Variants in NDUFA10 observed in about 807,000 individuals in gnomAD.
NDUFA10 encodes NADH:ubiquinone oxidoreductase subunit A10.
Under a neutral mutation model 47.8 loss-of-function variants are expected in NDUFA10, and 40 were observed. The ratio of observed to expected loss-of-function variants is 0.84; its 90% confidence interval spans 0.65 to 1.09. The LOEUF is 1.09. NDUFA10 is among the 50% of genes least tolerant of loss of function. The pLI is 0.00. For missense variants in NDUFA10, 413 were observed against 451.1 expected, an observed-to-expected ratio of 0.92 and a Z score of 0.76; for synonymous variants, 183 against 172.2, an observed-to-expected ratio of 1.06 and a Z score of -0.49.
At chr2:239,915,445 CAG>C (rs571620068) in intron 4 of NDUFA10, among the ~76,000 whole-genome samples, 1,889 of 145,248 alleles carry the variant, frequency 0.013, 82 homozygotes, top group African/African-American at 0.049. Context: ...GACACACACA[CAG>C]AGAGACAGAG....
intron 4 of NDUFA10, among the ~76,000 whole-genome samples, chr2:239,933,750 G>A (rs971650215): frequency 8.5e-5 from 13 of 152,294 alleles, no homozygotes; most frequent in African/African-American, 1.9e-4. Context: ...TGTACGGAAC[G>A]AAGTCAGTGA....
At chr2:239,941,761 G>A (rs1694365031) in intron 4 of NDUFA10, among the ~76,000 whole-genome samples, 1 of 151,060 alleles carries the variant, frequency 6.6e-6, no homozygotes. Flanking sequence ...AAGGAAGAAA[G>A]GAAAAAAAAT....
chr2:240,014,325 G>A (rs997146234), intron 5 of NDUFA10: 48 of 305,554 alleles, frequency 1.6e-4, no homozygotes, highest in Non-Finnish European at 2.6e-4. Context: ...CACGATTTGC[G>A]TTAAATAGAT....
chr2:240,011,044 G>A (rs904723755), intron 6 of NDUFA10, among the ~76,000 whole-genome samples: 6 of 152,082 alleles, frequency 3.9e-5, no homozygotes, highest in African/African-American at 7.2e-5. Flanking sequence ...CCTTACACAC[G>A]AATATACCCA....
At chr2:239,995,262 C>G (rs1483139243) in intron 8 of NDUFA10, among the ~76,000 whole-genome samples, 4 of 151,786 alleles carry the variant, frequency 2.6e-5, no homozygotes, top group Non-Finnish European at 5.9e-5. Context: ...GGCAACAGAG[C>G]AAGACCCTGT....
At chr2:239,982,728 A>C (rs999425487) in intron 9 of NDUFA10, among the ~76,000 whole-genome samples, 5 of 152,256 alleles carry the variant, frequency 3.3e-5, no homozygotes, top group African/African-American at 1.2e-4. Context: ...AAGAGAAACT[A>C]CATTTTCATG....
In NDUFA10 at chr2:239,960,983, G is replaced by A. The variant is rs758629221; in HGVS notation, c.*135C>T. ...TACTACAGGATGGATTGCTTTTTGT[G>A]AGACCCCTTCTTCCACTGTGCAATT... is the stretch of plus-strand genomic sequence containing the variant. On this transcript the variant is annotated 3_prime_UTR_variant, in exon 10 of 10. Transcript: ENST00000252711. The A allele has an allele frequency of 9.3e-5, 144 of 1,542,214 alleles. No homozygotes were observed. Among genetic ancestry groups the A allele is most frequent in the Non-Finnish European group, 1.2e-4 (139 of 1,143,750 alleles).
Position 240,014,727 on chromosome 2 carries a change from A to C in NDUFA10, c.669+12T>G, listed in dbSNP as rs769611233. 6.2e-7 allele frequency: 1 copy of C among 1,614,164 alleles called. No homozygotes were observed. The highest frequency in any genetic ancestry group is 8.5e-7 in the Non-Finnish European group (1 of 1,180,004). On this transcript the variant is annotated intron_variant, in intron 5 of 9. Transcript: ENST00000252711. Reference sequence around the variant, plus strand: ...ATAGAGATGCTTGGCCTTTGATTGAAAACTGCATTACATCTCCTTTCTTCT... The same window carrying C: ...ATAGAGATGCTTGGCCTTTGATTGACAACTGCATTACATCTCCTTTCTTCT...
At chr2:239,907,830 A>T (rs1296001090) in intron 4 of NDUFA10, among the ~76,000 whole-genome samples, 1 of 152,204 alleles carries the variant, frequency 6.6e-6, no homozygotes, top group Non-Finnish European at 1.5e-5. Context: ...ATTGTGGAAG[A>T]CAGTGTGGCA....
chr2:239,910,414 AG>A (rs1693730065), intron 4 of NDUFA10, among the ~76,000 whole-genome samples: 1 of 152,232 alleles, frequency 6.6e-6, no homozygotes, highest in South Asian at 2.1e-4. Flanking sequence ...TGTCCTTTGC[AG>A]GGACATGGGT....
chr2:239,915,252 C>T (rs200726891), intron 4 of NDUFA10, among the ~76,000 whole-genome samples: 7 of 75,392 alleles, frequency 9.3e-5, no homozygotes, highest in African/African-American at 3.7e-4. Flanking sequence ...CATACACACA[C>T]AACACACACA....
intron 9 of NDUFA10, among the ~76,000 whole-genome samples, chr2:239,972,815 C>T (rs897132432): frequency 5.9e-5 from 9 of 152,164 alleles, no homozygotes; most frequent in African/African-American, 1.9e-4. Context: ...AATAGAAAAG[C>T]TCCTAACCTA....
intron 9 of NDUFA10, among the ~76,000 whole-genome samples, chr2:239,962,228 CA>C (rs1694883112): frequency 6.6e-6 from 1 of 152,100 alleles, no homozygotes; most frequent in Admixed American, 6.6e-5. Flanking sequence ...CACACACACA[CA>C]CACACACACA....
intron 4 of NDUFA10, among the ~76,000 whole-genome samples, chr2:239,911,668 A>AGTGTGTGT (rs1209330426): frequency 1.9e-4 from 15 of 79,204 alleles, no homozygotes; most frequent in African/African-American, 5.4e-4. Flanking sequence ...AAAACATGAG[A>AGTGTGTGT]GAGTGTGTGT....
At position 240,018,097 on chromosome 2, in the gene NDUFA10, T is replaced by C. The variant is rs1697439066; in HGVS notation, c.547+456A>G. ...CCCCAATACAGCAACACAAAGCTAC[T>C]GTCCTGAAAAACGGCAGCGTGTCAG... is the stretch of plus-strand genomic sequence containing the variant. On this transcript the variant is annotated intron_variant, in intron 4 of 9. Transcript: ENST00000252711. 2.6e-5 allele frequency among the ~76,000 whole-genome samples: 4 copies of C among 152,200 alleles called. No homozygotes were observed. The South Asian group carries it at 8.3e-4, about 31-fold the overall frequency.
At chr2:239,926,917 G>A (rs919699547) in intron 4 of NDUFA10, among the ~76,000 whole-genome samples, 1 of 152,172 alleles carries the variant, frequency 6.6e-6, no homozygotes, top group Non-Finnish European at 1.5e-5. Flanking sequence ...AGCAAGACAC[G>A]TCTTACATGG....
chr2:239,991,289 G>A (rs1559363569), intron 8 of NDUFA10, among the ~76,000 whole-genome samples: 1 of 152,290 alleles, frequency 6.6e-6, no homozygotes, highest in Admixed American at 6.5e-5. Flanking sequence ...AGTAAAAACC[G>A]CGTCGCTCAT....
chr2:239,965,907 C>A (rs1302406799), intron 9 of NDUFA10, among the ~76,000 whole-genome samples: 1 of 152,218 alleles, frequency 6.6e-6, no homozygotes, highest in Non-Finnish European at 1.5e-5. Context: ...AAATTCAAGG[C>A]ATTTTGGACT....
chr2:239,923,568 G>GA (rs889811686), intron 4 of NDUFA10, among the ~76,000 whole-genome samples: 18 of 151,952 alleles, frequency 1.2e-4, no homozygotes, highest in Non-Finnish European at 5.9e-5. Flanking sequence ...AAATAATACA[G>GA]AAAAAATAGA....
Sources: gnomAD v4.1 joint callset for allele counts (sites outside exome capture counted in the v4.1 genomes callset) on GRCh38, gnomAD v4.1.1 for gene constraint, MANE v1.5 for transcripts, NCBI Gene and HGNC (gene_info 2026-07-23, HGNC 2026-07-21) for gene names.